The following CA10 variants were observed in gnomAD, a reference collection of about 807,000 sequenced individuals.
The protein encoded by CA10 is carbonic anhydrase-related protein 10.
CA10 carries 14 observed loss-of-function variants against 44.2 expected under a neutral mutation model. The ratio of observed to expected loss-of-function variants is 0.32; its 90% CI spans 0.21 to 0.50. The LOEUF (loss-of-function observed/expected upper bound fraction) is 0.50, where lower values mean the gene tolerates loss of function less well. CA10 is among the 20% of genes least tolerant of loss of function. The probability of loss-of-function intolerance (pLI) is 0.99; values close to 1 mark genes in which losing one functional copy is unlikely to be tolerated. For missense variants in CA10, 350 were observed against 409.7 expected (o/e 0.85, Z 1.26); for synonymous variants, 159 against 141.6 (o/e 1.12, Z -0.87).
chr17:51,897,339 T>C (rs2143922381), intron 3 of CA10, among the ~76,000 whole-genome samples: 1 of 152,252 alleles, frequency 6.6e-6, no homozygotes, highest in Non-Finnish European at 1.5e-5. Context: ...CCTTTCTCCA[T>C]TGTTTTTCTC....
chr17:51,878,873 T>C (rs1598096142), intron 3 of CA10, among the ~76,000 whole-genome samples: 1 of 25,254 alleles, frequency 4.0e-5, no homozygotes, highest in South Asian at 2.2e-3. Context: ...TATATATATA[T>C]ATATATATAT....
In CA10 at chr17:51,876,111, A is replaced by G. The variant is rs191856964; in HGVS notation, c.279+54879T>C. On this transcript the variant is annotated intron_variant, in intron 3 of 8. Coordinates refer to ENST00000451037, the MANE Select transcript of CA10 (RefSeq NM_020178.5). ...AGTGATATAGATAATGCAGCTATAAACATTCATGTGTAGGTTTTATGTGAA... is the reference window on the plus strand; with the variant it reads ...AGTGATATAGATAATGCAGCTATAAGCATTCATGTGTAGGTTTTATGTGAA... Among the ~76,000 whole-genome samples the G allele has an allele frequency of 4.9e-3, 742 of 151,514 alleles. 1 individual carries two copies. Among genetic ancestry groups the G allele is most frequent in the Non-Finnish European group, 8.1e-3 (551 of 67,888 alleles).
At chr17:51,760,019 G>A (rs374305616) in intron 3 of CA10, among the ~76,000 whole-genome samples, 2 of 152,132 alleles carry the variant, frequency 1.3e-5, no homozygotes, top group African/African-American at 4.8e-5. Flanking sequence ...CTAGTTTAAT[G>A]TCATTTAATT....
At chr17:51,649,385 T>G (rs948271032) in intron 5 of CA10, 131 bp from the exon 6 acceptor site, 1 of 703,564 alleles carries the variant, frequency 1.4e-6, no homozygotes, top group Non-Finnish European at 2.5e-6. Flanking sequence ...CAGCTGCAAA[T>G]TCAGAGAGCA....
At chr17:51,636,668 G>C (rs1269650481) in intron 6 of CA10, among the ~76,000 whole-genome samples, 1 of 152,106 alleles carries the variant, frequency 6.6e-6, no homozygotes, top group Non-Finnish European at 1.5e-5. Context: ...TTCACCTGGT[G>C]ACCATTCTCA....
At chr17:51,916,015 A>G (rs891855553) in intron 3 of CA10, among the ~76,000 whole-genome samples, 1 of 152,168 alleles carries the variant, frequency 6.6e-6, no homozygotes, top group African/African-American at 2.4e-5. Context: ...TGAATCATTA[A>G]AAGGCAATTT....
At chr17:51,716,534 G>T (rs1489500996) in intron 4 of CA10, among the ~76,000 whole-genome samples, 1 of 152,092 alleles carries the variant, frequency 6.6e-6, no homozygotes, top group Non-Finnish European at 1.5e-5. Flanking sequence ...TCCCCTCCTG[G>T]TTCTTGCCAG....
chr17:51,804,532 C>T (rs910815365), intron 3 of CA10, among the ~76,000 whole-genome samples: 1 of 152,204 alleles, frequency 6.6e-6, no homozygotes, highest in African/African-American at 2.4e-5. Context: ...TCAGGTCAGA[C>T]ATTTTGTTTT....
intron 3 of CA10, among the ~76,000 whole-genome samples, chr17:51,789,892 T>C (rs1467044304): frequency 6.6e-6 from 1 of 152,244 alleles, no homozygotes; most frequent in African/African-American, 2.4e-5. Flanking sequence ...GATGGCTCAC[T>C]AAGGGATGAA....
At chr17:52,011,741 A>C (rs1184614479) in intron 2 of CA10, among the ~76,000 whole-genome samples, 1 of 152,084 alleles carries the variant, frequency 6.6e-6, no homozygotes, top group East Asian at 1.9e-4. Context: ...ACAGGAGATC[A>C]TGATACAAAC....
At chr17:51,683,867 TG>T (rs990318534) in intron 4 of CA10, among the ~76,000 whole-genome samples, 4 of 152,070 alleles carry the variant, frequency 2.6e-5, no homozygotes, top group Non-Finnish European at 4.4e-5. Context: ...GAAGGATAAT[TG>T]GGGGTTGCCT....
chr17:51,799,733 T>C (rs1906853603), intron 3 of CA10, among the ~76,000 whole-genome samples: 1 of 152,140 alleles, frequency 6.6e-6, no homozygotes, highest in Admixed American at 6.5e-5. Flanking sequence ...AAAGAAGATA[T>C]ACAAATGTCT....
intron 3 of CA10, among the ~76,000 whole-genome samples, chr17:51,802,201 A>G (rs1278002437): frequency 1.3e-5 from 2 of 152,128 alleles, no homozygotes; most frequent in Non-Finnish European, 2.9e-5. Context: ...CTGTTACACT[A>G]TGTCTCATTA....
intron 3 of CA10, among the ~76,000 whole-genome samples, chr17:51,873,617 G>C (rs746517331): frequency 6.6e-6 from 1 of 152,218 alleles, no homozygotes; most frequent in African/African-American, 2.4e-5. Context: ...GGCAAGCATG[G>C]CTGTGGAGAT....
At chr17:51,648,943 GACC>G (rs1913448233) in intron 6 of CA10, among the ~76,000 whole-genome samples, 1 of 151,222 alleles carries the variant, frequency 6.6e-6, no homozygotes, top group African/African-American at 2.4e-5. Context: ...GGATAACGAT[GACC>G]ACCATAGTCA....
intron 3 of CA10, among the ~76,000 whole-genome samples, chr17:51,908,605 T>C (rs1981661848): frequency 6.6e-6 from 1 of 150,622 alleles, no homozygotes; most frequent in Non-Finnish European, 1.5e-5. Context: ...GACACTTTGG[T>C]ATTAGCTAGC....
intron 3 of CA10, among the ~76,000 whole-genome samples, chr17:51,871,459 C>T (rs1456532595): frequency 9.9e-5 from 14 of 141,374 alleles, no homozygotes; most frequent in Non-Finnish European, 1.8e-4. Context: ...AGGCTGGTCA[C>T]GAACTCCTGA....
intron 1 of CA10, among the ~76,000 whole-genome samples, chr17:52,119,909 T>C (rs1205784690): frequency 6.6e-6 from 1 of 152,202 alleles, no homozygotes; most frequent in Non-Finnish European, 1.5e-5. Context: ...AACCAACCAG[T>C]GATCTCCAAC....
chr17:52,027,262 A>T (rs899115434), intron 2 of CA10, among the ~76,000 whole-genome samples: 5 of 151,970 alleles, frequency 3.3e-5, no homozygotes, highest in African/African-American at 9.7e-5. Context: ...AGTCATGGGG[A>T]GTGGCTGTAA....
Sources: gnomAD v4.1 joint callset for allele counts (sites outside exome capture counted in the v4.1 genomes callset) on GRCh38, gnomAD v4.1.1 for gene constraint, MANE v1.5 for transcripts, NCBI Gene and HGNC (gene_info 2026-07-23, HGNC 2026-07-21) for gene names.